Variants in STXBP5 observed in about 807,000 individuals in gnomAD.
STXBP5 encodes syntaxin binding protein 5.
STXBP5 carries 50 observed loss-of-function variants against 152.4 expected under a neutral mutation model. That is an observed-to-expected ratio of 0.33 (90% CI 0.26 to 0.42). The LOEUF (loss-of-function observed/expected upper bound fraction) is 0.42. Ranked by LOEUF, STXBP5 falls within the 10% of genes least tolerant of loss-of-function variation. STXBP5 has a pLI of 1.00. For synonymous variants in STXBP5, 492 were observed against 494.7 expected (o/e 0.99, Z 0.07); for missense variants, 1,167 against 1,388.6 (o/e 0.84, Z 2.54).
chr6:147,215,528 A>C (rs1459350645), intron 2 of STXBP5, among the ~76,000 whole-genome samples: 3 of 151,984 alleles, frequency 2.0e-5, no homozygotes, highest in Admixed American at 2.0e-4. Context: ...CTCCAGGTGC[A>C]CGCCACCACG....
Position 147,204,740 on chromosome 6 carries a change from G to A in STXBP5, c.150+58G>A. 5 of 1,481,910 alleles carry A rather than the reference G, an allele frequency of 3.4e-6. No individual in the cohort carries two copies. Among genetic ancestry groups the A allele is most frequent in the Non-Finnish European group, 4.5e-6 (5 of 1,110,874 alleles). 91.8% of individuals were successfully genotyped at this position (1,481,910 alleles called of 1,614,324 possible). On this transcript the variant is annotated intron_variant, in intron 1 of 27. Coordinates refer to ENST00000321680, the MANE Select transcript of STXBP5 (RefSeq NM_001127715.4). The surrounding 1 kb of genome is among the most constrained non-coding windows in gnomAD (Gnocchi z 4.3). ...ATTGAAAAATTGGGGTTGTTTTAAG[G>A]GGGCTACTCGGGCTTTACATGGGAA...
chr6:147,353,685 C>T (rs186628139), intron 22 of STXBP5, among the ~76,000 whole-genome samples: 3 of 152,060 alleles, frequency 2.0e-5, no homozygotes, highest in East Asian at 1.9e-4. Flanking sequence ...GTGGTTGTAT[C>T]CCATTTAACC....
chr6:147,339,288 G>T, intron 20 of STXBP5, 49 bp from the exon 21 acceptor site: 1 of 1,508,048 alleles, frequency 6.6e-7, no homozygotes, highest in Non-Finnish European at 8.9e-7. Flanking sequence ...AATTTATTTA[G>T]TTTACTTTGA....
At chr6:147,229,016 G>A (rs575391055) in intron 2 of STXBP5, among the ~76,000 whole-genome samples, 39 of 151,992 alleles carry the variant, frequency 2.6e-4, no homozygotes, top group East Asian at 5.8e-4. Flanking sequence ...TGTTAAATAC[G>A]TCTTGTTTTT....
intron 1 of STXBP5, among the ~76,000 whole-genome samples, chr6:147,205,240 A>G (rs1207009809): frequency 6.6e-6 from 1 of 152,122 alleles, no homozygotes. Flanking sequence ...GCGTTCTGTA[A>G]TTCAGAAAGA....
intron 18 of STXBP5, among the ~76,000 whole-genome samples, chr6:147,327,671 G>A (rs1230958858): frequency 2.0e-5 from 3 of 152,116 alleles, no homozygotes; most frequent in Admixed American, 2.0e-4. Flanking sequence ...TCAAACACCT[G>A]GACTCAAGTG....
chr6:147,252,293 G>T (rs2115288475), intron 4 of STXBP5, among the ~76,000 whole-genome samples: 1 of 152,200 alleles, frequency 6.6e-6, no homozygotes, highest in Admixed American at 6.5e-5. Context: ...AGCTAAAGGA[G>T]TGTGTTCTAA....
Position 147,315,630 on chromosome 6 carries a change from C to T in STXBP5, c.1518C>T (p.Ile506=). 6.2e-7 allele frequency: 1 copy of T among 1,613,928 alleles called. No individual in the cohort carries two copies. The highest frequency in any genetic ancestry group is 1.3e-5 in the African/African-American group (1 of 75,022). Residue 506 remains isoleucine, a synonymous_variant, in exon 15 of 28, where the codon ATC becomes ATT. Transcript: ENST00000321680. ...ATGAAGATCCATATGCCATTCAGAT[C>T]ATCTCCTGGTGTCCAGAAAGTAGAA... ...IVDEDPYAIQ[I]ISWCPESRML...
intron 25 of STXBP5, among the ~76,000 whole-genome samples, chr6:147,367,560 C>T (rs1315085212): frequency 1.3e-5 from 2 of 152,148 alleles, no homozygotes; most frequent in African/African-American, 4.8e-5. Flanking sequence ...ATCGCTTGAA[C>T]CCGGGAGGCG....
At chr6:147,337,703 A>T (rs1380432040) in intron 19 of STXBP5, among the ~76,000 whole-genome samples, 2 of 152,034 alleles carry the variant, frequency 1.3e-5, no homozygotes, top group East Asian at 3.9e-4. Context: ...TATATATAAC[A>T]TATAACCATT....
chr6:147,356,841 G>T lies in STXBP5; in HGVS notation c.2306-2243G>T, dbSNP rs150725009. On this transcript the variant is annotated intron_variant, in intron 22 of 27. Transcript: ENST00000321680. ...TGTTTTATAGTTTTCACATTTTGAA[G>T]AGTCCTTTCTTTCACAATAGCATTG... Among the ~76,000 whole-genome samples the T allele has an allele frequency of 2.0e-5, 3 of 152,194 alleles. No individual in the cohort carries two copies. The East Asian group carries it at 5.8e-4, about 29-fold the overall frequency.
Position 147,359,290 on chromosome 6 carries a change from A to G in STXBP5, c.2512A>G (p.Arg838Gly). The stretch of plus-strand genomic sequence containing the variant: ...GAACCTTCCCCCAGGGGGAGAGCAA[A>G]GACTTCTTCAGCCAGTAATTGTGTC... Reference protein sequence around the residue: ...ALNLPPGGEQRLLQPVIVSPS... With the variant: ...ALNLPPGGEQGLLQPVIVSPS... Residue 838 changes from arginine (R) to glycine (G), a missense_variant, in exon 23 of 28, where the codon AGA becomes GGA. Arg to Gly is a moderately radical substitution (Grantham distance 125). Coordinates refer to ENST00000321680, the MANE Select transcript of STXBP5 (RefSeq NM_001127715.4). The G allele has an allele frequency of 6.2e-7, 1 of 1,613,890 alleles. No individual in the cohort carries two copies. Among genetic ancestry groups the G allele is most frequent in the South Asian group, 1.1e-5 (1 of 91,076 alleles).
intron 16 of STXBP5, among the ~76,000 whole-genome samples, chr6:147,320,577 G>GTGTGTGTGTGTT (rs1554297931): frequency 1.1e-4 from 14 of 131,074 alleles, no homozygotes; most frequent in Non-Finnish European, 4.7e-5. Flanking sequence ...GTGTGTGTGT[G>GTGTGTGTGTGTT]TGTGTGTGTG....
At position 147,327,244 on chromosome 6, in the gene STXBP5, G is replaced by C; in HGVS notation, c.2048G>C (p.Arg683Pro). The C allele has an allele frequency of 6.2e-7, 1 of 1,613,354 alleles. No homozygotes were observed. The highest frequency in any genetic ancestry group is 8.5e-7 in the Non-Finnish European group (1 of 1,179,782). ...GSNDPYRREP[R>P]SPRKSRQPSG... The stretch of plus-strand genomic sequence containing the variant: ...AATGATCCTTATCGGAGAGAACCCC[G>C]ATCTCCTCGTAAATCTCGACAGCCT... The change falls in exon 18 of 28, where the codon CGA (arginine) becomes CCA (proline). Residue 683 changes from arginine to proline, a missense_variant. Arg to Pro is a moderately radical substitution (Grantham distance 103, BLOSUM62 -2). Transcript: ENST00000321680.
chr6:147,246,195 T>G (rs1778802247), intron 4 of STXBP5, among the ~76,000 whole-genome samples: 1 of 152,214 alleles, frequency 6.6e-6, no homozygotes, highest in Admixed American at 6.5e-5. Context: ...AATACCTTGT[T>G]TTTTCCTTTA....
At chr6:147,372,098 A>G (rs1274041675) in intron 25 of STXBP5, among the ~76,000 whole-genome samples, 2 of 152,136 alleles carry the variant, frequency 1.3e-5, no homozygotes, top group African/African-American at 2.4e-5. Flanking sequence ...GTTTTATTCC[A>G]GGTTTACTAC....
chr6:147,324,872 G>A (rs1000484417), intron 16 of STXBP5, 87 bp from the exon 17 acceptor site: 1 of 1,167,412 alleles, frequency 8.6e-7, no homozygotes, highest in African/African-American at 1.6e-5. Flanking sequence ...TAAGTATCTA[G>A]TATCGTTTCA....
intron 16 of STXBP5, among the ~76,000 whole-genome samples, chr6:147,322,219 T>C (rs1582942246): frequency 6.6e-6 from 1 of 152,344 alleles, no homozygotes; most frequent in East Asian, 1.9e-4. Context: ...TTCAGTCTAC[T>C]CCTGTGTCAA....
chr6:147,241,308 A>T (rs1778528094), intron 4 of STXBP5, among the ~76,000 whole-genome samples: 1 of 152,214 alleles, frequency 6.6e-6, no homozygotes, highest in African/African-American at 2.4e-5. Flanking sequence ...ACTAATGTTC[A>T]TAACATAATA....
Sources: allele counts gnomAD v4.1 joint callset (sites outside exome capture counted in the v4.1 genomes callset), GRCh38; gene constraint gnomAD v4.1.1; non-coding constraint Gnocchi (gnomAD v3.1); transcripts MANE v1.5; gene names NCBI Gene and HGNC (gene_info 2026-07-23, HGNC 2026-07-21).